Variants in KIAA1755 observed in about 807,000 individuals in gnomAD.
KIAA1755 encodes the protein uncharacterized protein KIAA1755.
A neutral mutation model predicts 91.7 loss-of-function variants in KIAA1755; 68 were observed. The ratio of observed to expected loss-of-function variants is 0.74; its 90% CI spans 0.61 to 0.91. The LOEUF (loss-of-function observed/expected upper bound fraction) is 0.91. Ranked by LOEUF, KIAA1755 falls within the 40% of genes least tolerant of loss-of-function variation. The pLI, the probability that KIAA1755 is intolerant of heterozygous loss-of-function variation, is 0.00. For missense variants in KIAA1755, 1,535 were observed against 1,494.4 expected, an observed-to-expected ratio of 1.03 and a Z score of -0.45; for synonymous variants, 610 against 604.6, an observed-to-expected ratio of 1.01 and a Z score of -0.13.
rs539856143 is a variant in KIAA1755, at chr20:38,212,959, C to T, written c.*83G>A. 2.7e-5 allele frequency: 29 copies of T among 1,074,344 alleles called. No individual in the cohort carries two copies. In the African/African-American group the frequency reaches 4.3e-4, roughly 16 times the overall value. The allele number at this position is 1,074,344 out of a possible 1,614,324, so 66.6% of individuals were successfully genotyped here. A position where few individuals can be genotyped will look rare whatever the true frequency, so the allele number is the denominator to read the frequency against. Reference sequence around the variant, plus strand: ...GCTCCATGGTGACGTCTCACTGGGACTGACCAGAGCTCCCAGCTACCCCTC... The same window carrying T: ...GCTCCATGGTGACGTCTCACTGGGATTGACCAGAGCTCCCAGCTACCCCTC... On this transcript the variant is annotated 3_prime_UTR_variant, in exon 14 of 14. Transcript: ENST00000279024.
At chr20:38,229,869 A>AG (rs1324805696) in intron 5 of KIAA1755, among the ~76,000 whole-genome samples, 1 of 152,142 alleles carries the variant, frequency 6.6e-6, no homozygotes, top group Non-Finnish European at 1.5e-5. Flanking sequence ...TTTCCACCAC[A>AG]GAAAAAGGGG....
rs1385895005 is a variant in KIAA1755 at position 38,241,597 on chromosome 20, C to G, written c.534G>C (p.Trp178Cys). Residue 178 changes from tryptophan to cysteine, a missense_variant, in exon 3 of 14, where the codon TGG (tryptophan) becomes TGC (cysteine). Coordinates refer to ENST00000279024, the MANE Select transcript of KIAA1755 (RefSeq NM_001029864.2). Reference sequence around the variant, plus strand: ...CAAACTCTGGGCTGGTTATCTTGGTCCAAGGCACAGGGGCAATCCCATTTT... The same window carrying G: ...CAAACTCTGGGCTGGTTATCTTGGTGCAAGGCACAGGGGCAATCCCATTTT... Reference protein sequence around the residue: ...ASENGIAPVPWTKITSPEFVD... With the variant: ...ASENGIAPVPCTKITSPEFVD... The G allele has an allele frequency of 1.2e-6, 2 of 1,614,228 alleles. No individual in the cohort carries two copies. Among genetic ancestry groups the G allele is most frequent in the Non-Finnish European group, 1.7e-6 (2 of 1,180,042 alleles).
In KIAA1755 at chr20:38,212,314, C is replaced by CA; in HGVS notation, c.*727_*728insT. ...AGTGAGACCCTGTCTCTGGTGGGGT[C>CA]GGGGGGGGTGGGCGGAAAAGGCAAT... On this transcript the variant is annotated 3_prime_UTR_variant, in exon 14 of 14. Transcript: ENST00000279024. The CA allele has an allele frequency of 8.2e-6, 1 of 122,284 alleles. No individual in the cohort carries two copies. Among genetic ancestry groups the CA allele is most frequent in the Non-Finnish European group, 1.7e-5 (1 of 58,820 alleles). 7.6% of individuals were successfully genotyped at this position (122,284 alleles called of 1,614,324 possible).
intron 4 of KIAA1755, among the ~76,000 whole-genome samples, chr20:38,238,964 T>A (rs144015513): frequency 6.6e-6 from 1 of 152,300 alleles, no homozygotes; most frequent in East Asian, 1.9e-4. Flanking sequence ...TGGCTCCCCC[T>A]GCCCCACCCC....
rs1772670240 is a variant in KIAA1755 at position 38,213,728 on chromosome 20, T to A, written c.2917A>T (p.Met973Leu). The A allele has an allele frequency of 6.8e-7, 1 of 1,481,362 alleles. No individual in the cohort carries two copies. Among genetic ancestry groups the A allele is most frequent in the South Asian group, 1.4e-5 (1 of 72,784 alleles). 91.8% of individuals were successfully genotyped at this position (1,481,362 alleles called of 1,614,324 possible). Residue 973 changes from methionine (M) to leucine (L), a missense_variant, in exon 14 of 14, where the codon ATG (methionine) becomes TTG (leucine). Transcript: ENST00000279024. ...TGGGCCATCAGGTCCTGACAGTCCATGTGGAACCAGGTCATCTGGGGGACA... is the reference window on the plus strand; with the variant it reads ...TGGGCCATCAGGTCCTGACAGTCCAAGTGGAACCAGGTCATCTGGGGGACA... ...RFCKRMTWFHMDCQDLMAQLR... is the reference protein window; with the variant it reads ...RFCKRMTWFHLDCQDLMAQLR...
chr20:38,230,720 C>T (rs550422764), intron 5 of KIAA1755, among the ~76,000 whole-genome samples: 41 of 152,230 alleles, frequency 2.7e-4, no homozygotes, highest in African/African-American at 9.4e-4. Context: ...AAAATGCGGT[C>T]TCTACTAAAA....
At chr20:38,251,502 TG>T (rs1290040699) in intron 1 of KIAA1755, among the ~76,000 whole-genome samples, 1 of 148,640 alleles carries the variant, frequency 6.7e-6, no homozygotes, top group Admixed American at 6.7e-5. Flanking sequence ...GGCAATGGAG[TG>T]GGGGTGGGGG....
Position 38,228,222 on chromosome 20 carries a change from C to T in KIAA1755, c.1890G>A (p.Lys630=). The T allele has an allele frequency of 1.2e-6, 2 of 1,601,402 alleles. No homozygotes were observed. The highest frequency in any genetic ancestry group is 2.3e-5 in the East Asian group (1 of 44,252). Residue 630 remains lysine (K), a synonymous_variant, in exon 6 of 14, where the codon AAG becomes AAA. Coordinates refer to ENST00000279024, the MANE Select transcript of KIAA1755 (RefSeq NM_001029864.2). ...TGGCGTCAATCAGGACCGCCAGCCC[C>T]TTGGCTTTATCTTCAGGCCTGTGGG... ...CTIPRPEDKA[K]GLAVLIDARR... is the part of the protein sequence containing the mutation.
chr20:38,255,448 A>G (rs1300586914), intron 1 of KIAA1755, among the ~76,000 whole-genome samples: 2 of 152,198 alleles, frequency 1.3e-5, no homozygotes, highest in Admixed American at 1.3e-4. Context: ...GCACCACCTG[A>G]TCTACTGATT....
intron 10 of KIAA1755, among the ~76,000 whole-genome samples, chr20:38,221,957 C>T (rs1568737008): frequency 6.6e-6 from 1 of 152,206 alleles, no homozygotes; most frequent in African/African-American, 2.4e-5. Context: ...CCGGGAAAGG[C>T]AGGGCCGGGT....
At chr20:38,228,728 A>C (rs1482003495) in intron 5 of KIAA1755, among the ~76,000 whole-genome samples, 1 of 152,198 alleles carries the variant, frequency 6.6e-6, no homozygotes, top group Non-Finnish European at 1.5e-5. Flanking sequence ...TGTGAGGGAA[A>C]GTTTTCCAGG....
chr20:38,222,725 T>G, intron 9 of KIAA1755, 128 bp from the exon 10 acceptor site: 1 of 1,008,326 alleles, frequency 9.9e-7, no homozygotes, highest in Non-Finnish European at 1.5e-6. Context: ...AAGTCTGTCA[T>G]TTCTGTCTCT....
chr20:38,241,222 C>T lies in KIAA1755; in HGVS notation c.909G>A (p.Gly303=). Residue 303 remains glycine (G), a synonymous_variant, in exon 3 of 14, where the codon GGG becomes GGA. Transcript: ENST00000279024. ...TAGTTCCAGCTATCTCCTCTAGTGC[C>T]CCAGAAGTACACCCACTGGATGTGC... The part of the protein sequence containing the change: ...EAGTSSGCTS[G]ALEEIAGTKE... 1 of 1,614,112 alleles carries T rather than the reference C, an allele frequency of 6.2e-7. No homozygotes were observed. The highest frequency in any genetic ancestry group is 8.5e-7 in the Non-Finnish European group (1 of 1,180,026).
chr20:38,223,262 G>A, intron 9 of KIAA1755: 1 of 252,378 alleles, frequency 4.0e-6, no homozygotes, highest in Non-Finnish European at 7.5e-6. Context: ...GACACAATTT[G>A]GAATGACATA....
intron 1 of KIAA1755, 80 bp from the exon 2 acceptor site, chr20:38,246,206 A>G (rs1291336271): frequency 4.9e-6 from 6 of 1,213,682 alleles, no homozygotes; most frequent in Admixed American, 2.0e-5. Context: ...TCCAGGCCCC[A>G]TATGCCTAAG....
In KIAA1755 at chr20:38,227,174, G is replaced by A. The variant is rs1355822650; in HGVS notation, c.2032C>T (p.Gln678Ter). 3 of 1,613,846 alleles carry A rather than the reference G, an allele frequency of 1.9e-6. No homozygotes were observed. Among genetic ancestry groups the A allele is most frequent in the African/African-American group, 1.3e-5 (1 of 75,038 alleles). Reference sequence around the variant, plus strand: ...CTCACCTGGACGTCAGGTAATGTCTGCAGCTGGAGAGCCGCCTCCTTCTCC... The same window carrying A: ...CTCACCTGGACGTCAGGTAATGTCTACAGCTGGAGAGCCGCCTCCTTCTCC... The part of the protein sequence containing the change: ...LGEKEAALQL[Q>*]TLPDVQVEVL... Residue 678 changes from glutamine to a stop codon, truncating the protein, a stop_gained, in exon 7 of 14, where the codon CAG becomes TAG. Coordinates refer to ENST00000279024, the MANE Select transcript of KIAA1755 (RefSeq NM_001029864.2). LOFTEE classifies it high-confidence loss of function.
intron 1 of KIAA1755, among the ~76,000 whole-genome samples, chr20:38,249,418 G>A (rs923877614): frequency 6.6e-6 from 1 of 152,328 alleles, no homozygotes; most frequent in African/African-American, 2.4e-5. Flanking sequence ...TGAGGCCCCT[G>A]AAGAAAGAGA....
intron 1 of KIAA1755, among the ~76,000 whole-genome samples, chr20:38,247,548 C>T (rs2076179107): frequency 6.6e-6 from 1 of 152,216 alleles, no homozygotes; most frequent in Non-Finnish European, 1.5e-5. Context: ...TCCTATAGTA[C>T]CCCTATTACA....
Position 38,216,938 on chromosome 20 carries a change from G to A in KIAA1755, c.2901+315C>T, listed in dbSNP as rs1404476119. The A allele has an allele frequency of 6.5e-6, 4 of 611,720 alleles. No individual in the cohort carries two copies. In the Admixed American group the frequency reaches 8.5e-5, roughly 13 times the overall value. The allele number at this position is 611,720 out of a possible 1,614,324, so 37.9% of individuals were successfully genotyped here. A position where few individuals can be genotyped will look rare whatever the true frequency, so the allele number is the denominator to read the frequency against. ...GGAAGCATATAAGGCATGTCACGGGGTACCACAGACACATCTATGTTCAAA... is the reference window on the plus strand; with the variant it reads ...GGAAGCATATAAGGCATGTCACGGGATACCACAGACACATCTATGTTCAAA... On this transcript the variant is annotated intron_variant, in intron 13 of 13. Transcript: ENST00000279024.
Sources: allele counts gnomAD v4.1 joint callset (sites outside exome capture counted in the v4.1 genomes callset), GRCh38; gene constraint gnomAD v4.1.1; transcripts MANE v1.5; gene names NCBI Gene and HGNC (gene_info 2026-07-23, HGNC 2026-07-21).